The following ATP10A variants were observed in gnomAD, a reference collection of about 807,000 sequenced individuals.
ATP10A encodes the protein ATPase phospholipid transporting 10A (putative).
A neutral mutation model predicts 147.8 loss-of-function variants in ATP10A; 111 were observed. That is an observed-to-expected ratio of 0.75 (90% confidence interval 0.64 to 0.88). The LOEUF (loss-of-function observed/expected upper bound fraction) is 0.88, where lower values mean the gene tolerates loss of function less well. Among genes scored for constraint, ATP10A ranks in the 40% least tolerant of loss-of-function variants. The pLI is 0.00. For synonymous variants in ATP10A, 875 were observed against 841.6 expected, an observed-to-expected ratio of 1.04 and a Z score of -0.69; for missense variants, 1,927 against 1,959.0, an observed-to-expected ratio of 0.98 and a Z score of 0.31.
chr15:25,788,362 A>T (rs1301799340), intron 1 of ATP10A, among the ~76,000 whole-genome samples: 1 of 152,226 alleles, frequency 6.6e-6, no homozygotes, highest in Non-Finnish European at 1.5e-5. Flanking sequence ...TGAGTGCCCG[A>T]GTTCCTGATC....
At chr15:25,862,627 T>C (rs766983107) in intron 1 of ATP10A, 21 bp downstream of exon 1, 3 of 1,533,976 alleles carry the variant, frequency 2.0e-6, no homozygotes, top group Non-Finnish European at 2.6e-6. Context: ...GCGCGCTCGC[T>C]CGCCCGCCCG....
In ATP10A at chr15:25,695,207, C is replaced by G. The variant is rs1347910461; in HGVS notation, c.2761-61G>C. On this transcript the variant is annotated intron_variant, in intron 13 of 20. Coordinates refer to ENST00000555815, the MANE Select transcript of ATP10A (RefSeq NM_024490.4). Reference sequence around the variant, plus strand: ...AGAGTCATGCCACAAACATCCCCGCCCTGGCTCAACACCTCTGGAGCTGAC... The same window carrying G: ...AGAGTCATGCCACAAACATCCCCGCGCTGGCTCAACACCTCTGGAGCTGAC... 2.0e-6 allele frequency: 3 copies of G among 1,474,058 alleles called. No homozygotes were observed. The African/African-American group carries it at 4.2e-5, about 21-fold the overall frequency. 91.3% of individuals were successfully genotyped at this position (1,474,058 alleles called of 1,614,324 possible).
At chr15:25,821,399 C>CAA (rs199762961) in intron 1 of ATP10A, among the ~76,000 whole-genome samples, 2,497 of 119,686 alleles carry the variant, frequency 0.021, 38 homozygotes, top group Middle Eastern at 0.048. Context: ...TCAAAAAAAA[C>CAA]AAAAAAAAAA....
chr15:25,773,507 C>T (rs1012939006), intron 2 of ATP10A, among the ~76,000 whole-genome samples: 3 of 152,054 alleles, frequency 2.0e-5, no homozygotes, highest in Admixed American at 6.6e-5. Context: ...AAGTGGATTG[C>T]GTGGGCACCC....
rs995611933 is a variant in ATP10A, at chr15:25,862,090, G to A, written c.449+558C>T. The A allele has an allele frequency of 1.2e-5, 4 of 330,058 alleles. No homozygotes were observed. The Admixed American group carries it at 1.6e-4, about 14-fold the overall frequency. The allele number at this position is 330,058 out of a possible 1,614,324, so 20.4% of individuals were successfully genotyped here. A position where few individuals can be genotyped will look rare whatever the true frequency, so the allele number is the denominator to read the frequency against. On this transcript the variant is annotated intron_variant, in intron 1 of 20. Transcript: ENST00000555815. ...GGGCGGTGCCTGGCTCGCGGCTCAT[G>A]GCTCACAGTGGAGGATGGACACTGC...
intron 2 of ATP10A, among the ~76,000 whole-genome samples, chr15:25,755,247 G>T (rs140071347): frequency 0.02 from 2,970 of 152,248 alleles, 44 homozygotes; most frequent in Middle Eastern, 0.044. Context: ...GTTTTCTAAA[G>T]AATTCAAGGT....
At chr15:25,755,690 G>C (rs765160811) in intron 2 of ATP10A, among the ~76,000 whole-genome samples, 6 of 152,108 alleles carry the variant, frequency 3.9e-5, no homozygotes, top group African/African-American at 7.2e-5. Context: ...AGGACAGATG[G>C]GCCTCTGAGG....
chr15:25,688,659 G>A (rs749875443), intron 15 of ATP10A, among the ~76,000 whole-genome samples: 3 of 152,198 alleles, frequency 2.0e-5, no homozygotes, highest in Non-Finnish European at 4.4e-5. Flanking sequence ...TAAACAGAAT[G>A]CCAACCTGCC....
chr15:25,777,752 A>G (rs1889684782), intron 2 of ATP10A, among the ~76,000 whole-genome samples: 1 of 148,062 alleles, frequency 6.8e-6, no homozygotes, highest in South Asian at 2.2e-4. Flanking sequence ...GCTGCACACC[A>G]CGATATCTGG....
At chr15:25,820,095 A>G (rs902537775) in intron 1 of ATP10A, among the ~76,000 whole-genome samples, 1 of 152,182 alleles carries the variant, frequency 6.6e-6, no homozygotes, top group Admixed American at 6.5e-5. Context: ...TAAAGGAAGG[A>G]ATACATTGTA....
In ATP10A at chr15:25,714,222, A is replaced by G. The variant is rs1240912577; in HGVS notation, c.1796T>C (p.Leu599Pro). ...TTCTATCGTCTTCACCGGGGACTTC[A>G]GCTCAAACCTCACCCTCACCTGCAA... ...PRTKVRVRFE[L>P]KSPVKTIEDF... Residue 599 changes from leucine (L) to proline (P), a missense_variant, in exon 10 of 21, where the codon CTG becomes CCG. Leu to Pro is a moderately conservative substitution (Grantham distance 98). Transcript: ENST00000555815. 1 of 1,600,052 alleles carries G rather than the reference A, an allele frequency of 6.2e-7. No individual in the cohort carries two copies. The highest frequency in any genetic ancestry group is 8.5e-7 in the Non-Finnish European group (1 of 1,179,954).
intron 1 of ATP10A, among the ~76,000 whole-genome samples, chr15:25,824,635 G>A (rs1237840096): frequency 1.3e-5 from 2 of 151,028 alleles, no homozygotes; most frequent in Admixed American, 1.3e-4. Context: ...ATGGTGGAGT[G>A]AAGGACCTCC....
chr15:25,723,605 T>A (rs896725853), intron 6 of ATP10A, among the ~76,000 whole-genome samples: 16 of 152,016 alleles, frequency 1.1e-4, no homozygotes, highest in East Asian at 7.8e-4. Flanking sequence ...CTATTTTTTT[T>A]AAAAGTAACT....
chr15:25,796,786 G>A (rs1296267632), intron 1 of ATP10A, among the ~76,000 whole-genome samples: 1 of 152,226 alleles, frequency 6.6e-6, no homozygotes, highest in Non-Finnish European at 1.5e-5. Flanking sequence ...GACAGAAGGT[G>A]GTGACAGCCG....
At chr15:25,793,725 T>G (rs1193507909) in intron 1 of ATP10A, among the ~76,000 whole-genome samples, 1 of 151,984 alleles carries the variant, frequency 6.6e-6, no homozygotes, top group Non-Finnish European at 1.5e-5. Flanking sequence ...CTCCCAAGAG[T>G]TGTGGGCACA....
chr15:25,787,788 T>A (rs1342341636), intron 1 of ATP10A, among the ~76,000 whole-genome samples: 1 of 151,968 alleles, frequency 6.6e-6, no homozygotes, highest in Non-Finnish European at 1.5e-5. Context: ...TTGTCCAAGA[T>A]CAGGAGTCAC....
rs778407945 is a variant in ATP10A at position 25,714,092 on chromosome 15, C to T, written c.1926G>A (p.Pro642=). 5.0e-6 allele frequency: 8 copies of T among 1,613,316 alleles called. No individual in the cohort carries two copies. The highest frequency in any genetic ancestry group is 1.7e-5 in the Admixed American group (1 of 60,032). Residue 642 remains proline (P), a synonymous_variant, in exon 10 of 21, where the codon CCG becomes CCA. Transcript: ENST00000555815. ...GCATGCCGTCGCTGGACGGGGTGGACGGGAAGCTGGAGCCCAACTTGTGGC... is the reference window on the plus strand; with the variant it reads ...GCATGCCGTCGCTGGACGGGGTGGATGGGAAGCTGGAGCCCAACTTGTGGC... ...KSSHKLGSSF[P]STPSSDGMLL... is the part of the protein sequence containing the mutation.
At chr15:25,776,958 C>T (rs987016475) in intron 2 of ATP10A, among the ~76,000 whole-genome samples, 27 of 152,134 alleles carry the variant, frequency 1.8e-4, no homozygotes, top group Non-Finnish European at 3.5e-4. Flanking sequence ...AAACCCCTAA[C>T]AAAAGCCCCC....
At position 25,732,573 on chromosome 15, in the gene ATP10A, T is replaced by TTTTTTTTTTG. The variant is rs1887004835; in HGVS notation, c.740+3482_740+3483insCAAAAAAAAA. Reference sequence around the variant, plus strand: ...GCGACACCTTCTTTTTTTTTTTTTTTGAGATGGAGTCTCGCTCTGTCACCC... The same window carrying TTTTTTTTTTG: ...GCGACACCTTCTTTTTTTTTTTTTTTTTTTTTTTTGGAGATGGAGTCTCGCTCTGTCACCC... On this transcript the variant is annotated intron_variant, in intron 3 of 20. Coordinates refer to ENST00000555815, the MANE Select transcript of ATP10A (RefSeq NM_024490.4). Among the ~76,000 whole-genome samples the TTTTTTTTTTG allele has an allele frequency of 2.8e-5, 4 of 143,674 alleles. 1 individual carries two copies. The highest frequency in any genetic ancestry group is 4.7e-4 in the South Asian group (2 of 4,284). The allele number at this position is 143,674 out of a possible 152,430, so 94.3% of individuals were successfully genotyped here.
Sources: allele counts gnomAD v4.1 joint callset (sites outside exome capture counted in the v4.1 genomes callset), GRCh38; gene constraint gnomAD v4.1.1; transcripts MANE v1.5; gene names NCBI Gene and HGNC (gene_info 2026-07-23, HGNC 2026-07-21).